Variants in ITSN2 observed in about 807,000 individuals in gnomAD.
The protein encoded by ITSN2 is intersectin-2.
ITSN2 carries 156 observed loss-of-function variants against 243.7 expected under a neutral mutation model. That is an observed-to-expected ratio of 0.64 (90% CI 0.56 to 0.73). The LOEUF is 0.73. Ranked by LOEUF, ITSN2 falls within the 30% of genes least tolerant of loss-of-function variation. ITSN2 has a pLI of 0.00. For missense variants in ITSN2, 1,801 were observed against 1,996.1 expected (o/e 0.90, Z 1.86); for synonymous variants, 703 against 699.9 (o/e 1.00, Z -0.07).
chr2:24,293,249 T>C (rs2151610530), intron 15 of ITSN2: 1 of 153,080 alleles, frequency 6.5e-6, no homozygotes, highest in African/African-American at 2.4e-5. Flanking sequence ...GGGCAGAGCA[T>C]ACCATCCTGC....
At position 24,205,301 on chromosome 2, in the gene ITSN2, C is replaced by T; in HGVS notation, c.4679-4G>A. ...CCTGAAGTCTTTTGGGAGCGGGCTA[C>T]AAAAGAGGAAGACAAGTCTCATTAA... On this transcript the variant is annotated splice_polypyrimidine_tract_variant and splice_region_variant and intron_variant, in intron 37 of 39. Transcript: ENST00000355123. 6.2e-7 allele frequency: 1 copy of T among 1,612,782 alleles called. No individual in the cohort carries two copies. The highest frequency in any genetic ancestry group is 2.2e-5 in the East Asian group (1 of 44,870).
chr2:24,344,843 G>A (rs113876140), intron 1 of ITSN2, among the ~76,000 whole-genome samples: 1,675 of 152,128 alleles, frequency 0.011, 28 homozygotes, highest in African/African-American at 0.039. Flanking sequence ...TCTCAGCTAC[G>A]CAGGAAGCTA....
At chr2:24,358,000 C>T (rs931764221) in intron 1 of ITSN2, among the ~76,000 whole-genome samples, 1 of 152,110 alleles carries the variant, frequency 6.6e-6, no homozygotes, top group Non-Finnish European at 1.5e-5. Context: ...CTGCAACCTC[C>T]GCCTCCCGGG....
At chr2:24,273,914 A>G (rs1268905079) in intron 18 of ITSN2, among the ~76,000 whole-genome samples, 3 of 152,218 alleles carry the variant, frequency 2.0e-5, no homozygotes, top group Non-Finnish European at 2.9e-5. Context: ...CAATCAATCC[A>G]AGATGTGGTA....
chr2:24,336,932 G>C (rs2551129), intron 1 of ITSN2, among the ~76,000 whole-genome samples: 149,001 of 152,188 alleles, frequency 0.98, 72,936 homozygotes, highest in East Asian at 0.99. Flanking sequence ...AAAGCAAGCA[G>C]GGAGAGGCAA....
intron 27 of ITSN2, among the ~76,000 whole-genome samples, chr2:24,247,491 C>G (rs1485128079): frequency 6.6e-6 from 1 of 152,112 alleles, no homozygotes; most frequent in African/African-American, 2.4e-5. Context: ...TAGTGACTTA[C>G]AGAACTTGAG....
At chr2:24,242,924 T>A (rs1464579424) in intron 29 of ITSN2, among the ~76,000 whole-genome samples, 3 of 152,180 alleles carry the variant, frequency 2.0e-5, no homozygotes, top group Non-Finnish European at 2.9e-5. Context: ...TTACTGGTAA[T>A]AACTTTATAA....
chr2:24,246,724 G>T, intron 28 of ITSN2, 73 bp downstream of exon 28: 2 of 859,978 alleles, frequency 2.3e-6, no homozygotes, highest in South Asian at 1.5e-5. Flanking sequence ...TCCAAAGATT[G>T]AGCTAATCTA....
Position 24,300,007 on chromosome 2 carries a change from A to G in ITSN2, c.1246T>C (p.Trp416Arg). 2 of 1,613,852 alleles carry G rather than the reference A, an allele frequency of 1.2e-6. No homozygotes were observed. The highest frequency in any genetic ancestry group is 1.7e-6 in the Non-Finnish European group (2 of 1,179,958). Residue 416 changes from tryptophan to arginine, a missense_variant, in exon 12 of 40, where the codon TGG becomes CGG. Trp to Arg is a moderately radical substitution (Grantham distance 101). Around this residue, in one of 5 missense-constraint regions of ITSN2, gnomAD observed 787 missense variants for 803.9 expected, o/e 0.98. Transcript: ENST00000355123. ...RKQRELQEQE[W>R]KKQLELEKRL... ...TTTTCTAATTCAAGTTGTTTCTTCC[A>G]TTCTTGTTCTTGTAATTCTCTCTGT... is the stretch of plus-strand genomic sequence containing the variant.
At chr2:24,231,410 A>G (rs190896590) in intron 29 of ITSN2, among the ~76,000 whole-genome samples, 3 of 152,350 alleles carry the variant, frequency 2.0e-5, no homozygotes, top group Non-Finnish European at 4.4e-5. Context: ...ACAGGCAGTC[A>G]GAGAAATTGA....
chr2:24,299,194 G>A (rs1321874545), intron 12 of ITSN2, among the ~76,000 whole-genome samples: 2 of 151,642 alleles, frequency 1.3e-5, no homozygotes, highest in Non-Finnish European at 2.9e-5. Flanking sequence ...CCACACACCT[G>A]GCTAATTTTT....
At chr2:24,263,795 T>C (rs1370288941) in intron 20 of ITSN2, among the ~76,000 whole-genome samples, 1 of 152,238 alleles carries the variant, frequency 6.6e-6, no homozygotes, top group Non-Finnish European at 1.5e-5. Flanking sequence ...AATTTGTTTA[T>C]CCTTTCAAAT....
intron 29 of ITSN2, among the ~76,000 whole-genome samples, chr2:24,223,294 C>T (rs1670656258): frequency 6.6e-6 from 1 of 152,154 alleles, no homozygotes; most frequent in African/African-American, 2.4e-5. Flanking sequence ...AGGAAGACAG[C>T]TTTTCTATAT....
In ITSN2 at chr2:24,225,698, C is replaced by A. The variant is rs564298971; in HGVS notation, c.3578-4632G>T. On this transcript the variant is annotated intron_variant, in intron 29 of 39. Transcript: ENST00000355123. This position sits in a 1 kb window ranked among gnomAD's most constrained non-coding sequence, Gnocchi z 4.2. ...TGCGGTCAGATGAATCCAGACAATG[C>A]TGCAGGCTGTATATCTCACTCGCAG... Among the ~76,000 whole-genome samples the A allele has an allele frequency of 6.6e-5, 10 of 152,300 alleles. No homozygotes were observed. The highest frequency in any genetic ancestry group is 1.5e-4 in the Non-Finnish European group (10 of 68,024).
chr2:24,354,707 C>T (rs1456746942), intron 1 of ITSN2, among the ~76,000 whole-genome samples: 1 of 152,160 alleles, frequency 6.6e-6, no homozygotes, highest in African/African-American at 2.4e-5. Context: ...TACTCTTATC[C>T]TCTATGGTTA....
chr2:24,257,595 T>C (rs1178181013), intron 23 of ITSN2, among the ~76,000 whole-genome samples: 4 of 151,916 alleles, frequency 2.6e-5, no homozygotes, highest in Admixed American at 6.6e-5. Context: ...TAGCTGGGAC[T>C]ACAGGCATGT....
chr2:24,233,553 G>C (rs1465145970), intron 29 of ITSN2, among the ~76,000 whole-genome samples: 1 of 152,208 alleles, frequency 6.6e-6, no homozygotes. Flanking sequence ...GGGTGGCTAA[G>C]AGAATGAGTT....
At chr2:24,279,221 AG>A (rs1678436220) in intron 17 of ITSN2, among the ~76,000 whole-genome samples, 1 of 152,306 alleles carries the variant, frequency 6.6e-6, no homozygotes, top group Admixed American at 6.5e-5. Context: ...TGCCACCTGC[AG>A]GGGTATTACT....
intron 29 of ITSN2, among the ~76,000 whole-genome samples, chr2:24,229,496 C>A (rs1025882198): frequency 6.6e-6 from 1 of 151,884 alleles, no homozygotes; most frequent in South Asian, 2.1e-4. Flanking sequence ...GGCTGAGGTG[C>A]GAGAATCACT....
Sources: allele counts gnomAD v4.1 joint callset (sites outside exome capture counted in the v4.1 genomes callset), GRCh38; gene constraint gnomAD v4.1.1; regional missense constraint gnomAD v4.1.1; non-coding constraint Gnocchi (gnomAD v3.1); transcripts MANE v1.5; gene names NCBI Gene and HGNC (gene_info 2026-07-23, HGNC 2026-07-21).